The following MARCHF8 variants were observed in gnomAD, a reference collection of about 807,000 sequenced individuals.
MARCHF8 encodes the protein membrane associated ring-CH-type finger 8, also known as E3 ubiquitin-protein ligase MARCHF8.
A neutral mutation model predicts 51.6 loss-of-function variants in MARCHF8; 40 were observed. That is an observed-to-expected ratio of 0.77 (90% confidence interval 0.60 to 1.01). The LOEUF is 1.01. MARCHF8 is among the 50% of genes least tolerant of loss of function. The pLI, the probability that MARCHF8 is intolerant of heterozygous loss-of-function variation, is 0.00. For missense variants in MARCHF8, 685 were observed against 708.6 expected (o/e 0.97, Z 0.38); for synonymous variants, 263 against 280.3 (o/e 0.94, Z 0.62).
chr10:45,593,249 C>T (rs962787915), intron 1 of MARCHF8, among the ~76,000 whole-genome samples: 1 of 150,926 alleles, frequency 6.6e-6, no homozygotes, highest in Non-Finnish European at 1.5e-5. Flanking sequence ...TAACATTAAA[C>T]TTCAAGTTTC....
At chr10:45,540,868 G>C (rs937169945) in intron 1 of MARCHF8, among the ~76,000 whole-genome samples, 5 of 152,154 alleles carry the variant, frequency 3.3e-5, no homozygotes, top group Admixed American at 6.5e-5. Context: ...ACCACAATGA[G>C]ATACCATCTC....
At chr10:45,547,866 A>C (rs2044146762) in intron 1 of MARCHF8, among the ~76,000 whole-genome samples, 2 of 152,198 alleles carry the variant, frequency 1.3e-5, no homozygotes, top group Admixed American at 1.3e-4. Flanking sequence ...AAAGATAATA[A>C]ATTAGATATT....
At chr10:45,514,718 C>T (rs1467830128) in intron 2 of MARCHF8, among the ~76,000 whole-genome samples, 3 of 152,196 alleles carry the variant, frequency 2.0e-5, no homozygotes, top group African/African-American at 7.2e-5. Flanking sequence ...CTCAGTTTCC[C>T]GTCAATGACA....
chr10:45,490,616 C>T (rs896465976), intron 2 of MARCHF8, among the ~76,000 whole-genome samples: 2 of 151,850 alleles, frequency 1.3e-5, no homozygotes, highest in South Asian at 4.2e-4. Context: ...CATCCTATGA[C>T]TTTCTTTAAA....
In MARCHF8 at chr10:45,534,197, C is replaced by A. The variant is rs187542274; in HGVS notation, c.-78-908G>T. On this transcript the variant is annotated intron_variant, in intron 1 of 7. Coordinates refer to ENST00000453424, the MANE Select transcript of MARCHF8 (RefSeq NM_001282866.2). ...GACTCCAACCCCCCAACCTCCCCCC[C>A]ACCAAAAAAAAAAGAGTATGTACAT... 1.3e-3 allele frequency among the ~76,000 whole-genome samples: 197 copies of A among 146,386 alleles called. 1 individual carries two copies. The East Asian group carries it at 0.018, about 13-fold the overall frequency.
intron 3 of MARCHF8, among the ~76,000 whole-genome samples, chr10:45,474,290 C>G (rs1205450674): frequency 6.6e-6 from 1 of 152,196 alleles, no homozygotes; most frequent in Non-Finnish European, 1.5e-5. Flanking sequence ...CCTGAACAGG[C>G]AGTCACCTCA....
At chr10:45,464,440 CTCAACGAGTAACACATATT>C (rs1215503958) in intron 3 of MARCHF8, 113 bp from the exon 4 acceptor site, 1 of 825,798 alleles carries the variant, frequency 1.2e-6, no homozygotes, top group African/African-American at 1.7e-5. Flanking sequence ...CTTCCCGCTG[CTCAACGAGTAACACATATT>C]AGATCCTTCT....
intron 1 of MARCHF8, among the ~76,000 whole-genome samples, chr10:45,541,762 G>A (rs934588212): frequency 7.2e-5 from 11 of 152,050 alleles, no homozygotes; most frequent in Admixed American, 2.6e-4. Flanking sequence ...AAGAGGGAAC[G>A]TTGGGTAAGA....
intron 2 of MARCHF8, among the ~76,000 whole-genome samples, chr10:45,491,639 G>A (rs1210853612): frequency 6.6e-6 from 1 of 152,230 alleles, no homozygotes; most frequent in Non-Finnish European, 1.5e-5. Context: ...TCTGTCCAGA[G>A]AACAAGTAAT....
At chr10:45,500,909 A>G (rs1397135750) in intron 2 of MARCHF8, among the ~76,000 whole-genome samples, 2 of 151,994 alleles carry the variant, frequency 1.3e-5, no homozygotes, top group African/African-American at 4.8e-5. Flanking sequence ...AATGAACAAA[A>G]GAACTCACAA....
In MARCHF8 at chr10:45,562,140, G is replaced by A. The variant is rs57407702; in HGVS notation, c.-78-28851C>T. Among the ~76,000 whole-genome samples, 932 of 152,098 alleles carry A rather than the reference G, an allele frequency of 6.1e-3. 10 individuals are homozygous for A. Among genetic ancestry groups the A allele is most frequent in the African/African-American group, 0.022 (897 of 41,470 alleles). On this transcript the variant is annotated intron_variant, in intron 1 of 6. Transcript: ENST00000319836. ...AAATGAAAAACACTAAAGAGATTAA[G>A]GGACATAAAGAATAGACTGAGATGG...
chr10:45,511,014 A>C (rs1159091707), intron 2 of MARCHF8, among the ~76,000 whole-genome samples: 1 of 152,230 alleles, frequency 6.6e-6, no homozygotes, highest in African/African-American at 2.4e-5. Context: ...TAGTTCCCCA[A>C]GCCTTTCTAA....
intron 2 of MARCHF8, among the ~76,000 whole-genome samples, chr10:45,514,578 G>A (rs1414152025): frequency 2.6e-5 from 4 of 152,218 alleles, no homozygotes; most frequent in East Asian, 1.9e-4. Flanking sequence ...TTCAAGGAAC[G>A]AGGCAGTGAA....
At chr10:45,576,096 A>G (rs2044486504) in intron 1 of MARCHF8, among the ~76,000 whole-genome samples, 1 of 152,244 alleles carries the variant, frequency 6.6e-6, no homozygotes, top group Non-Finnish European at 1.5e-5. Context: ...AATTTAAACT[A>G]TCTGACTTCA....
chr10:45,503,438 A>G (rs1254618478), intron 2 of MARCHF8, among the ~76,000 whole-genome samples: 1 of 152,106 alleles, frequency 6.6e-6, no homozygotes, highest in Non-Finnish European at 1.5e-5. Context: ...CAGGATGCTG[A>G]GGCAGGAGAA....
chr10:45,585,427 A>G (rs2044608026), intron 1 of MARCHF8, among the ~76,000 whole-genome samples: 1 of 152,216 alleles, frequency 6.6e-6, no homozygotes, highest in Admixed American at 6.5e-5. Context: ...GCCATACAAA[A>G]ATATGAATGA....
chr10:45,472,888 A>G (rs1234100627), intron 3 of MARCHF8, among the ~76,000 whole-genome samples: 1 of 152,218 alleles, frequency 6.6e-6, no homozygotes, highest in Non-Finnish European at 1.5e-5. Flanking sequence ...AACTCCTCCA[A>G]TTCATCCTTT....
intron 2 of MARCHF8, among the ~76,000 whole-genome samples, chr10:45,532,173 T>C (rs2043897746): frequency 6.6e-6 from 1 of 152,104 alleles, no homozygotes; most frequent in East Asian, 1.9e-4. Context: ...AAAATCCCCA[T>C]TCTACAAATA....
chr10:45,577,955 G>A (rs534053480), intron 1 of MARCHF8, among the ~76,000 whole-genome samples: 155 of 152,242 alleles, frequency 1.0e-3, no homozygotes, highest in Non-Finnish European at 2.0e-3. Context: ...CCAGGAGTTC[G>A]AGGTTACAGT....
Sources: allele counts gnomAD v4.1 joint callset (sites outside exome capture counted in the v4.1 genomes callset), GRCh38; gene constraint gnomAD v4.1.1; transcripts MANE v1.5; gene names NCBI Gene and HGNC (gene_info 2026-07-23, HGNC 2026-07-21).